Variants in PIK3R6 observed in about 807,000 individuals in gnomAD.
PIK3R6 encodes phosphoinositide-3-kinase regulatory subunit 6.
In PIK3R6, 91 loss-of-function variants were observed where a neutral mutation model predicts 84.9. The ratio of observed to expected loss-of-function variants is 1.07; its 90% CI spans 0.90 to 1.28. The LOEUF (loss-of-function observed/expected upper bound fraction) is 1.28, where lower values mean the gene tolerates loss of function less well. Ranked by LOEUF, PIK3R6 falls within the 50% of genes most tolerant of loss-of-function variation. The probability of loss-of-function intolerance (pLI) is 0.00; values close to 1 mark genes in which losing one functional copy is unlikely to be tolerated. For synonymous variants in PIK3R6, 416 were observed against 411.4 expected (o/e 1.01, Z -0.13); for missense variants, 996 against 985.1 (o/e 1.01, Z -0.15).
intron 18 of PIK3R6, among the ~76,000 whole-genome samples, chr17:8,809,600 G>C (rs1210925636): frequency 6.6e-6 from 1 of 152,144 alleles, no homozygotes; most frequent in African/African-American, 2.4e-5. Context: ...TTTGAGACTA[G>C]CCTGGGCAAC....
At chr17:8,849,059 C>T (rs1198218346) in intron 2 of PIK3R6, among the ~76,000 whole-genome samples, 3 of 151,682 alleles carry the variant, frequency 2.0e-5, no homozygotes, top group Non-Finnish European at 4.4e-5. Flanking sequence ...CCTGTTGTCC[C>T]AAGTTGACTT....
intron 18 of PIK3R6, among the ~76,000 whole-genome samples, chr17:8,805,405 A>G (rs1184889311): frequency 6.6e-6 from 1 of 152,102 alleles, no homozygotes; most frequent in East Asian, 1.9e-4. Context: ...CAGGTGTCAG[A>G]GGGGAAGGGG....
In PIK3R6 at chr17:8,803,830, C is replaced by T; in HGVS notation, c.2108+211G>A. 1.7e-6 allele frequency: 1 copy of T among 598,578 alleles called. No individual in the cohort carries two copies. The highest frequency in any genetic ancestry group is 2.8e-5 in the East Asian group (1 of 35,990). 37.1% of individuals were successfully genotyped at this position (598,578 alleles called of 1,614,324 possible). On this transcript the variant is annotated intron_variant, in intron 19 of 19. Coordinates refer to ENST00000619866, the MANE Select transcript of PIK3R6 (RefSeq NM_001010855.4). This position sits in a 1 kb window ranked among gnomAD's most constrained non-coding sequence, Gnocchi z 5.0. ...GGGGAAAATGCAATATCAGCTGCTG[C>T]CCTGGGTATGCCATTCATTTGCCTC...
intron 14 of PIK3R6, 108 bp from the exon 15 acceptor site, chr17:8,823,194 C>T (rs556374369): frequency 4.0e-5 from 37 of 919,184 alleles, no homozygotes; most frequent in Admixed American, 3.9e-4. Context: ...ATAAAGAAGA[C>T]CTACTTCTTG....
rs1192654450 is a variant in PIK3R6, at chr17:8,839,478, G to A, written c.97+136C>T. 7 of 603,760 alleles carry A rather than the reference G, an allele frequency of 1.2e-5. No individual in the cohort carries two copies. Among genetic ancestry groups the A allele is most frequent in the Non-Finnish European group, 2.0e-5 (7 of 352,080 alleles). 37.4% of individuals were successfully genotyped at this position (603,760 alleles called of 1,614,324 possible). A position where few individuals can be genotyped will look rare whatever the true frequency, so the allele number is the denominator to read the frequency against. On this transcript the variant is annotated intron_variant, in intron 3 of 19. Coordinates refer to ENST00000619866, the MANE Select transcript of PIK3R6 (RefSeq NM_001010855.4). The surrounding 1 kb of genome is among the most constrained non-coding windows in gnomAD (Gnocchi z 4.2). ...GTCCTTCAGGCTCTAGGTATTTCCAGCAGGAAAGGGGTTTGGTGAGACGAC... is the reference window on the plus strand; with the variant it reads ...GTCCTTCAGGCTCTAGGTATTTCCAACAGGAAAGGGGTTTGGTGAGACGAC...
chr17:8,821,625 C>T (rs2087735533), intron 17 of PIK3R6, among the ~76,000 whole-genome samples: 1 of 152,198 alleles, frequency 6.6e-6, no homozygotes, highest in South Asian at 2.1e-4. Flanking sequence ...CCTCCACCTT[C>T]CAGCTATGTC....
At chr17:8,867,293 T>C (rs2089433949) in intron 1 of PIK3R6, among the ~76,000 whole-genome samples, 1 of 152,224 alleles carries the variant, frequency 6.6e-6, no homozygotes, top group Non-Finnish European at 1.5e-5. Flanking sequence ...GGGTCCCGTG[T>C]CTTTTCATCT....
intron 17 of PIK3R6, among the ~76,000 whole-genome samples, chr17:8,821,035 G>A (rs935500253): frequency 6.6e-6 from 1 of 152,190 alleles, no homozygotes; most frequent in Non-Finnish European, 1.5e-5. Context: ...TCTACCACAT[G>A]CCAGGACATG....
At chr17:8,815,018 C>G (rs148999943) in intron 18 of PIK3R6, among the ~76,000 whole-genome samples, 1 of 152,136 alleles carries the variant, frequency 6.6e-6, no homozygotes, top group Non-Finnish European at 1.5e-5. Context: ...AGTTCACATT[C>G]AAAGAAATCC....
rs747470677 is a variant in PIK3R6, at chr17:8,835,494, G to A, written c.462-38C>T. On this transcript the variant is annotated intron_variant, in intron 7 of 19. Transcript: ENST00000619866. ...GCAGAGGGGAGAGGTGGGATTGATA[G>A]TAACTAATGGGAGAGGGGCCACCGG... is the stretch of plus-strand genomic sequence containing the variant. 2.6e-5 allele frequency: 39 copies of A among 1,497,728 alleles called. 1 individual carries two copies. In the South Asian group the frequency reaches 4.5e-4, roughly 17 times the overall value. 92.8% of individuals were successfully genotyped at this position (1,497,728 alleles called of 1,614,324 possible). A position where few individuals can be genotyped will look rare whatever the true frequency, so the allele number is the denominator to read the frequency against.
intron 18 of PIK3R6, 107 bp downstream of exon 18, chr17:8,818,976 G>T: frequency 1.3e-6 from 1 of 758,804 alleles, no homozygotes; most frequent in Non-Finnish European, 2.1e-6. Context: ...GGCTCAGAAA[G>T]GCTGGGAAGT....
intron 18 of PIK3R6, among the ~76,000 whole-genome samples, chr17:8,817,552 G>A (rs113897473): frequency 0.023 from 3,447 of 152,132 alleles, 127 homozygotes; most frequent in African/African-American, 0.076. Flanking sequence ...TGAAGCAGGA[G>A]AATCACTTGA....
At chr17:8,806,995 C>T (rs566538973) in intron 18 of PIK3R6, among the ~76,000 whole-genome samples, 6 of 152,208 alleles carry the variant, frequency 3.9e-5, no homozygotes, top group Non-Finnish European at 8.8e-5. Flanking sequence ...AGGGAACTTG[C>T]TGAAGTGATA....
chr17:8,820,520 C>T (rs541493447), intron 17 of PIK3R6, among the ~76,000 whole-genome samples: 2 of 152,272 alleles, frequency 1.3e-5, no homozygotes, highest in South Asian at 2.1e-4. Flanking sequence ...GCCCTGGCAC[C>T]GCGCCCTTGA....
At chr17:8,864,849 C>T (rs2089370583) in intron 1 of PIK3R6, among the ~76,000 whole-genome samples, 1 of 152,102 alleles carries the variant, frequency 6.6e-6, no homozygotes, top group African/African-American at 2.4e-5. Flanking sequence ...TTCACAGTTC[C>T]TGGCAGAGGG....
chr17:8,829,399 C>T (rs927521624), intron 10 of PIK3R6, among the ~76,000 whole-genome samples: 8 of 149,720 alleles, frequency 5.3e-5, no homozygotes, highest in African/African-American at 1.7e-4. Flanking sequence ...CACACGCATG[C>T]ACACATACAC....
intron 18 of PIK3R6, among the ~76,000 whole-genome samples, chr17:8,809,513 C>T (rs751961908): frequency 1.3e-5 from 2 of 152,192 alleles, no homozygotes; most frequent in African/African-American, 2.4e-5. Context: ...GGCACAGTGG[C>T]TCATGCCTGT....
At chr17:8,850,337 T>C (rs2088920706) in intron 1 of PIK3R6, among the ~76,000 whole-genome samples, 1 of 151,680 alleles carries the variant, frequency 6.6e-6, no homozygotes, top group South Asian at 2.1e-4. Flanking sequence ...AGAGAAAACT[T>C]ATATAGTGCT....
intron 10 of PIK3R6, 93 bp downstream of exon 10, chr17:8,829,611 GAC>G (rs771529054): frequency 1.7e-5 from 21 of 1,221,986 alleles, no homozygotes; most frequent in South Asian, 5.4e-5. Context: ...TACACACACT[GAC>G]ACACGCATGC....
Sources: allele counts gnomAD v4.1 joint callset (sites outside exome capture counted in the v4.1 genomes callset), GRCh38; gene constraint gnomAD v4.1.1; non-coding constraint Gnocchi (gnomAD v3.1); transcripts MANE v1.5; gene names NCBI Gene and HGNC (gene_info 2026-07-23, HGNC 2026-07-21).